The following CRIM1 variants were observed in gnomAD, a reference collection of about 807,000 sequenced individuals.
The protein encoded by CRIM1 is cysteine-rich motor neuron 1 protein.
Under a neutral mutation model 116.4 loss-of-function variants are expected in CRIM1, and 32 were observed. The ratio of observed to expected loss-of-function variants is 0.27; its 90% CI spans 0.21 to 0.37. The LOEUF (loss-of-function observed/expected upper bound fraction) is 0.37. Among genes scored for constraint, CRIM1 ranks in the 10% least tolerant of loss-of-function variants. The probability of loss-of-function intolerance (pLI) is 1.00; values close to 1 mark genes in which losing one functional copy is unlikely to be tolerated. For synonymous variants in CRIM1, 590 were observed against 509.2 expected (o/e 1.16, Z -2.13); for missense variants, 1,331 against 1,354.8 (o/e 0.98, Z 0.28).
At chr2:36,401,748 A>T (rs1489613121) in intron 2 of CRIM1, among the ~76,000 whole-genome samples, 1 of 152,260 alleles carries the variant, frequency 6.6e-6, no homozygotes, top group Non-Finnish European at 1.5e-5. Flanking sequence ...ATAATTCAAG[A>T]ATTAATCAGA....
chr2:36,529,312 A>G, intron 13 of CRIM1: 1 of 386,626 alleles, frequency 2.6e-6, no homozygotes, highest in South Asian at 2.0e-5. Flanking sequence ...ATAGGTGCAG[A>G]AACTGGCCAA....
At chr2:36,425,332 A>G (rs554132849) in intron 2 of CRIM1, among the ~76,000 whole-genome samples, 5 of 152,362 alleles carry the variant, frequency 3.3e-5, no homozygotes, top group Non-Finnish European at 7.3e-5. Flanking sequence ...ACTCATTCAG[A>G]AATAATATCA....
chr2:36,393,819 C>T (rs753521708), intron 1 of CRIM1, among the ~76,000 whole-genome samples: 4 of 152,146 alleles, frequency 2.6e-5, no homozygotes, highest in South Asian at 2.1e-4. Context: ...TCAAGTGTGC[C>T]TAGAGCATTA....
At chr2:36,373,075 C>G (rs1049994506) in intron 1 of CRIM1, among the ~76,000 whole-genome samples, 3 of 152,144 alleles carry the variant, frequency 2.0e-5, no homozygotes, top group Non-Finnish European at 2.9e-5. Flanking sequence ...GTTGCCTTCT[C>G]TAAGACTTTA....
chr2:36,523,147 A>T lies in CRIM1; in HGVS notation c.2428+834A>T, dbSNP rs147804047. 1.1e-3 allele frequency among the ~76,000 whole-genome samples: 168 copies of T among 152,018 alleles called. 2 individuals are homozygous for T. Among genetic ancestry groups the T allele is most frequent in the African/African-American group, 3.7e-3 (153 of 41,490 alleles). ...TTTTTGTATTTTAGTAGAGATGGGG[A>T]CAGTGGTGTTTTTTTCCAGATAGAA... On this transcript the variant is annotated intron_variant, in intron 13 of 16. Coordinates refer to ENST00000280527, the MANE Select transcript of CRIM1 (RefSeq NM_016441.3).
intron 4 of CRIM1, among the ~76,000 whole-genome samples, chr2:36,459,367 G>A (rs535923729): frequency 9.2e-5 from 14 of 152,230 alleles, no homozygotes; most frequent in African/African-American, 2.9e-4. Context: ...AGTCTAAAAT[G>A]TATAAAAATA....
chr2:36,481,202 T>C (rs1679391700), intron 7 of CRIM1, among the ~76,000 whole-genome samples: 2 of 152,254 alleles, frequency 1.3e-5, no homozygotes, highest in African/African-American at 4.8e-5. Flanking sequence ...AAAGGAAGGC[T>C]GATCCTTTTG....
At chr2:36,408,792 A>C (rs1034135526) in intron 2 of CRIM1, among the ~76,000 whole-genome samples, 1 of 147,306 alleles carries the variant, frequency 6.8e-6, no homozygotes, top group Non-Finnish European at 1.5e-5. Flanking sequence ...TTATGAGAAG[A>C]AAAAAAAAAA....
At chr2:36,535,077 A>T (rs1016504715) in intron 13 of CRIM1, among the ~76,000 whole-genome samples, 21 of 138,884 alleles carry the variant, frequency 1.5e-4, no homozygotes, top group Non-Finnish European at 2.3e-4. Context: ...GTGTATGGAG[A>T]GAGGAAGGAA....
intron 6 of CRIM1, among the ~76,000 whole-genome samples, chr2:36,479,040 G>C (rs932192358): frequency 3.3e-5 from 5 of 152,190 alleles, no homozygotes; most frequent in Non-Finnish European, 7.3e-5. Context: ...GCAGGTACAT[G>C]AGATAGAGTT....
intron 4 of CRIM1, among the ~76,000 whole-genome samples, chr2:36,450,742 G>A (rs1262609260): frequency 1.3e-5 from 2 of 152,212 alleles, no homozygotes; most frequent in Non-Finnish European, 2.9e-5. Context: ...TGACCAGAGC[G>A]AAGGTCATCA....
At chr2:36,535,957 C>T (rs1355791386) in intron 13 of CRIM1, among the ~76,000 whole-genome samples, 2 of 152,148 alleles carry the variant, frequency 1.3e-5, no homozygotes, top group Non-Finnish European at 2.9e-5. Context: ...ATATTAGGGA[C>T]TTGGCACATG....
At chr2:36,436,568 A>T (rs182615671) in intron 2 of CRIM1, among the ~76,000 whole-genome samples, 1 of 152,338 alleles carries the variant, frequency 6.6e-6, no homozygotes, top group South Asian at 2.1e-4. Flanking sequence ...AAATCAGGTA[A>T]AAAATGGGAG....
intron 8 of CRIM1, among the ~76,000 whole-genome samples, chr2:36,504,021 C>CTGTAGT (rs1681203926): frequency 6.6e-6 from 1 of 152,084 alleles, no homozygotes. Flanking sequence ...CAGGCACTGC[C>CTGTAGT]ACCACACCCA....
chr2:36,392,471 C>T (rs1357375022), intron 1 of CRIM1, among the ~76,000 whole-genome samples: 1 of 151,170 alleles, frequency 6.6e-6, no homozygotes, highest in African/African-American at 2.4e-5. Context: ...CCTGACCAGT[C>T]CAAGGAGAAA....
chr2:36,390,289 A>C (rs879498108), intron 1 of CRIM1, among the ~76,000 whole-genome samples: 6 of 152,194 alleles, frequency 3.9e-5, no homozygotes, highest in Non-Finnish European at 8.8e-5. Flanking sequence ...GTTGGGAAAA[A>C]ATAGGGTTGG....
At chr2:36,414,068 A>G (rs1443849166) in intron 2 of CRIM1, among the ~76,000 whole-genome samples, 2 of 152,234 alleles carry the variant, frequency 1.3e-5, no homozygotes, top group African/African-American at 2.4e-5. Flanking sequence ...GAATAATAGC[A>G]GCACACCCTA....
At chr2:36,512,465 C>T (rs1664754662) in intron 10 of CRIM1, 71 bp downstream of exon 10, 1 of 1,506,938 alleles carries the variant, frequency 6.6e-7, no homozygotes, top group Non-Finnish European at 9.0e-7. Context: ...ATAAGGACAC[C>T]CTGTAATGAA....
At chr2:36,419,714 C>T (rs1416283435) in intron 2 of CRIM1, among the ~76,000 whole-genome samples, 1 of 152,102 alleles carries the variant, frequency 6.6e-6, no homozygotes, top group East Asian at 1.9e-4. Context: ...TTTCATTTTC[C>T]CTGGAGCCAA....
Sources: allele counts gnomAD v4.1 joint callset (sites outside exome capture counted in the v4.1 genomes callset), GRCh38; gene constraint gnomAD v4.1.1; transcripts MANE v1.5; gene names NCBI Gene and HGNC (gene_info 2026-07-23, HGNC 2026-07-21).